The following XIRP2 variants were observed in gnomAD, a reference collection of about 807,000 sequenced individuals.
The protein encoded by XIRP2 is xin actin binding repeat containing 2.
A neutral mutation model predicts 277.0 loss-of-function variants in XIRP2; 236 were observed. The observed-to-expected ratio is 0.85, with a 90% confidence interval of 0.77 to 0.95. The LOEUF (loss-of-function observed/expected upper bound fraction) is 0.95. Among genes scored for constraint, XIRP2 ranks in the 40% least tolerant of loss-of-function variants. XIRP2 has a pLI of 0.00. For missense variants in XIRP2, 4,640 were observed against 4,157.5 expected (o/e 1.12, Z -3.19); for synonymous variants, 1,490 against 1,416.5 (o/e 1.05, Z -1.17).
chr2:167,085,748 A>C (rs1466564582), intron 2 of XIRP2, among the ~76,000 whole-genome samples: 1 of 151,900 alleles, frequency 6.6e-6, no homozygotes, highest in Non-Finnish European at 1.5e-5. Context: ...CTGTTTTATC[A>C]GAGACTAGGA....
At chr2:167,166,221 A>G (rs1692516851) in intron 3 of XIRP2, among the ~76,000 whole-genome samples, 1 of 152,016 alleles carries the variant, frequency 6.6e-6, no homozygotes, top group Non-Finnish European at 1.5e-5. Context: ...TGCATGTCAC[A>G]CTTTCTTGCA....
intron 2 of XIRP2, among the ~76,000 whole-genome samples, chr2:167,093,405 T>C (rs888322289): frequency 1.3e-5 from 2 of 151,988 alleles, no homozygotes; most frequent in African/African-American, 4.8e-5. Context: ...GCCCTGGTGG[T>C]TTGCTGCACC....
At chr2:167,089,807 T>C (rs1690088672) in intron 2 of XIRP2, among the ~76,000 whole-genome samples, 1 of 152,122 alleles carries the variant, frequency 6.6e-6, no homozygotes, top group Non-Finnish European at 1.5e-5. Context: ...AACGCAGCTA[T>C]GCCCATTTGT....
intron 3 of XIRP2, among the ~76,000 whole-genome samples, chr2:167,193,094 T>C (rs1013835478): frequency 2.0e-5 from 3 of 152,212 alleles, no homozygotes; most frequent in African/African-American, 7.2e-5. Context: ...ACTTTTACTC[T>C]GCAAAATTTC....
intron 3 of XIRP2, chr2:167,184,712 A>G (rs145477255): frequency 1.2e-5 from 8 of 682,276 alleles, no homozygotes; most frequent in South Asian, 3.2e-5. Context: ...GATGCCTTAC[A>G]TATATTATCT....
rs1342838227 is a variant in XIRP2 at position 167,250,372 on chromosome 2, G to A, written c.8980G>A (p.Glu2994Lys). ...PGWLISEDKREYAVHIAMENN... is the reference protein window; with the variant it reads ...PGWLISEDKRKYAVHIAMENN... The stretch of plus-strand genomic sequence containing the variant: ...ATGGCTGATAAGTGAAGATAAGAGA[G>A]AATATGCAGTTCACATTGCCATGGA... The change falls in exon 9 of 11, where the codon GAA (glutamate) becomes AAA (lysine). Residue 2994 changes from glutamate to lysine, a missense_variant. Physicochemically the swap from Glu to Lys is moderately conservative, Grantham distance 56. Coordinates refer to ENST00000409195, the MANE Select transcript of XIRP2 (RefSeq NM_152381.6). 6.2e-7 allele frequency: 1 copy of A among 1,613,436 alleles called. No homozygotes were observed. The highest frequency in any genetic ancestry group is 1.3e-5 in the African/African-American group (1 of 74,848).
In XIRP2 at chr2:167,157,313, CTATT is replaced by C. The variant is rs1399864158; in HGVS notation, c.562+21256_562+21259del. Among the ~76,000 whole-genome samples, 10 of 152,224 alleles carry C rather than the reference CTATT, an allele frequency of 6.6e-5. No individual in the cohort carries two copies. In the South Asian group the frequency reaches 1.4e-3, roughly 22 times the overall value. ...TTCATTTATTTATTTACTAATCAAT[CTATT>C]TATTCCATATTTCATAAAACAAAGT... On this transcript the variant is annotated intron_variant, in intron 3 of 10. Coordinates refer to ENST00000409195, the MANE Select transcript of XIRP2 (RefSeq NM_152381.6).
At chr2:167,239,174 G>A (rs1694984301) in intron 5 of XIRP2, among the ~76,000 whole-genome samples, 1 of 152,046 alleles carries the variant, frequency 6.6e-6, no homozygotes. Flanking sequence ...ATAAAAATGT[G>A]GCTTGTAAAC....
intron 2 of XIRP2, among the ~76,000 whole-genome samples, chr2:167,103,684 A>G (rs1690543976): frequency 6.6e-6 from 1 of 152,224 alleles, no homozygotes; most frequent in Admixed American, 6.5e-5. Context: ...AACCTTTCAT[A>G]AAGTAGTTAT....
At chr2:167,030,341 G>C (rs1373751528) in intron 2 of XIRP2, among the ~76,000 whole-genome samples, 1 of 152,066 alleles carries the variant, frequency 6.6e-6, no homozygotes, top group Admixed American at 6.6e-5. Context: ...GCTTTCTCCT[G>C]TGGGCATTTA....
chr2:167,135,321 C>T (rs530861837), intron 2 of XIRP2, among the ~76,000 whole-genome samples: 14 of 152,064 alleles, frequency 9.2e-5, no homozygotes, highest in African/African-American at 3.4e-4. Flanking sequence ...TTGGAAATAT[C>T]CTTTATATTT....
In XIRP2 at chr2:167,249,835, C is replaced by A; in HGVS notation, c.8443C>A (p.Leu2815Ile). 1 of 1,613,438 alleles carries A rather than the reference C, an allele frequency of 6.2e-7. No homozygotes were observed. Among genetic ancestry groups the A allele is most frequent in the South Asian group, 1.1e-5 (1 of 91,068 alleles). The stretch of plus-strand genomic sequence containing the variant: ...ATTTAGCGGATCTGACAGAGGGAAA[C>A]TTCCAGGAAGTGAAGAAAAAAATCA... ...REFSGSDRGK[L>I]PGSEEKNQGP... Residue 2815 changes from leucine (L) to isoleucine (I), a missense_variant, in exon 9 of 11, where the codon CTT becomes ATT. Transcript: ENST00000409195.
Position 167,245,467 on chromosome 2 carries a change from T to G in XIRP2, c.4075T>G (p.Leu1359Val). Reference protein sequence around the residue: ...GTRWLFETKPLDSINKSETVY... With the variant: ...GTRWLFETKPVDSINKSETVY... ...AAGGTGGCTTTTTGAAACAAAGCCA[T>G]TAGACTCTATTAATAAATCAGAAAC... The change falls in exon 9 of 11, where the codon TTA (leucine) becomes GTA (valine). Residue 1359 changes from leucine to valine, a missense_variant. Transcript: ENST00000409195. 3 of 1,613,622 alleles carry G rather than the reference T, an allele frequency of 1.9e-6. No individual in the cohort carries two copies. Among genetic ancestry groups the G allele is most frequent in the Non-Finnish European group, 2.5e-6 (3 of 1,179,724 alleles).
intron 3 of XIRP2, among the ~76,000 whole-genome samples, chr2:167,191,639 A>T (rs1290069940): frequency 6.6e-6 from 1 of 152,178 alleles, no homozygotes; most frequent in Non-Finnish European, 1.5e-5. Flanking sequence ...GCTTATTTTT[A>T]AATTTTACAA....
chr2:166,996,941 G>T (rs1225778187), intron 2 of XIRP2, among the ~76,000 whole-genome samples: 1 of 152,070 alleles, frequency 6.6e-6, no homozygotes, highest in Non-Finnish European at 1.5e-5. Context: ...AATAATATTT[G>T]TCTTTGCTAG....
intron 2 of XIRP2, among the ~76,000 whole-genome samples, chr2:167,004,708 G>A (rs1687461892): frequency 6.6e-6 from 1 of 151,826 alleles, no homozygotes; most frequent in Admixed American, 6.6e-5. Flanking sequence ...GAGATTGTGG[G>A]TTAGCAGAAT....
rs115961142 is a variant in XIRP2 at position 167,121,658 on chromosome 2, G to A, written c.409-14251G>A. On this transcript the variant is annotated intron_variant, in intron 2 of 10. Transcript: ENST00000409195. ...ATAAAGATAATCCTAAAATACTTTA[G>A]GGCCCTATTTAAGAAAATGAGAGTG... 7.0e-3 allele frequency among the ~76,000 whole-genome samples: 1,066 copies of A among 152,116 alleles called. 13 individuals are homozygous for A. The highest frequency in any genetic ancestry group is 0.024 in the African/African-American group (1,006 of 41,506).
intron 2 of XIRP2, among the ~76,000 whole-genome samples, chr2:166,937,617 G>T (rs1205237058): frequency 6.6e-6 from 1 of 152,188 alleles, no homozygotes; most frequent in Non-Finnish European, 1.5e-5. Context: ...CATAAAATGA[G>T]TTAGGGAGGA....
intron 2 of XIRP2, among the ~76,000 whole-genome samples, chr2:166,997,750 C>T (rs1394311245): frequency 6.6e-6 from 1 of 151,878 alleles, no homozygotes; most frequent in Non-Finnish European, 1.5e-5. Context: ...ACTAAAAATA[C>T]AACAATTAGC....
Sources: allele counts gnomAD v4.1 joint callset (sites outside exome capture counted in the v4.1 genomes callset), GRCh38; gene constraint gnomAD v4.1.1; transcripts MANE v1.5; gene names NCBI Gene and HGNC (gene_info 2026-07-23, HGNC 2026-07-21).